The following SNRNP70 variants were observed in gnomAD, a reference collection of about 807,000 sequenced individuals.
The protein encoded by SNRNP70 is small nuclear ribonucleoprotein U1 subunit 70, also known as U1 small nuclear ribonucleoprotein 70 kDa.
In SNRNP70, 8 loss-of-function variants were observed where a neutral mutation model predicts 50.5. The ratio of observed to expected loss-of-function variants is 0.16; its 90% confidence interval spans 0.09 to 0.29. The LOEUF (loss-of-function observed/expected upper bound fraction) is 0.29, where lower values mean the gene tolerates loss of function less well. Ranked by LOEUF, SNRNP70 falls within the 10% of genes least tolerant of loss-of-function variation. SNRNP70 has a pLI of 1.00. For missense variants in SNRNP70, 529 were observed against 663.5 expected (o/e 0.80, Z 2.23); for synonymous variants, 320 against 252.9 (o/e 1.27, Z -2.52).
At chr19:49,095,446 C>T (rs751988833) in intron 4 of SNRNP70, among the ~76,000 whole-genome samples, 5 of 152,100 alleles carry the variant, frequency 3.3e-5, no homozygotes, top group African/African-American at 1.2e-4. Flanking sequence ...TAAAGTCACC[C>T]GTTTCTATTC....
chr19:49,102,043 G>A, intron 7 of SNRNP70: 3 of 752,336 alleles, frequency 4.0e-6, no homozygotes, highest in Non-Finnish European at 6.0e-6. Flanking sequence ...GGATGGGTGG[G>A]GGAGGGTGGG....
At position 49,108,418 on chromosome 19, in the gene SNRNP70, A is replaced by G. The variant is rs1188542174; in HGVS notation, c.1289A>G (p.Tyr430Cys). 7 of 1,609,574 alleles carry G rather than the reference A, an allele frequency of 4.3e-6. No homozygotes were observed. The highest frequency in any genetic ancestry group is 2.2e-5 in the East Asian group (1 of 44,590). The stretch of plus-strand genomic sequence containing the variant: ...GGCTACCTGGCTCCGGAGAATGGGT[A>G]TTTGATGGAGGCTGCGCCGGAGTGA... ...GDGYLAPENG[Y>C]LMEAAPE Residue 430 changes from tyrosine to cysteine, a missense_variant, in exon 10 of 10, where the codon TAT (tyrosine) becomes TGT (cysteine). By Grantham distance (194) the Tyr-to-Cys change is radical. Transcript: ENST00000598441.
rs377548556 is a variant in SNRNP70, at chr19:49,086,474, A to C, written c.60A>C (p.Pro20=). The C allele has an allele frequency of 1.9e-5, 30 of 1,613,814 alleles. No individual in the cohort carries two copies. Among genetic ancestry groups the C allele is most frequent in the Non-Finnish European group, 2.4e-5 (28 of 1,179,980 alleles). Residue 20 remains proline (P), a synonymous_variant, in exon 2 of 10, where the codon CCA becomes CCC. Transcript: ENST00000598441. ...LALFAPRDPI[P]YLPPLEKLPH... is the part of the protein sequence containing the mutation. The stretch of plus-strand genomic sequence containing the variant: ...TCTTTGCCCCCCGTGACCCTATTCC[A>C]TACCTGCCACCCCTGGAGAAACTGC...
In SNRNP70 at chr19:49,098,423, A is replaced by T. The variant is rs760393957; in HGVS notation, c.266-4A>T. On this transcript the variant is annotated splice_polypyrimidine_tract_variant and splice_region_variant and intron_variant, in intron 4 of 9. Transcript: ENST00000598441. ...ACTTATAAAATTCCTTTCTTCCTGCACAGGGGACCCTCACAATGATCCCAA... is the reference window on the plus strand; with the variant it reads ...ACTTATAAAATTCCTTTCTTCCTGCTCAGGGGACCCTCACAATGATCCCAA... The T allele has an allele frequency of 4.3e-6, 7 of 1,611,226 alleles. No homozygotes were observed. The Admixed American group carries it at 8.4e-5, about 19-fold the overall frequency.
chr19:49,091,885 A>C (rs530367665), intron 4 of SNRNP70, among the ~76,000 whole-genome samples: 1 of 152,110 alleles, frequency 6.6e-6, no homozygotes, highest in African/African-American at 2.4e-5. Flanking sequence ...TGGGACATAG[A>C]CATTCAGCTG....
In SNRNP70 at chr19:49,098,419, C is replaced by G; in HGVS notation, c.266-8C>G. On this transcript the variant is annotated splice_polypyrimidine_tract_variant and splice_region_variant and intron_variant, in intron 4 of 9. Coordinates refer to ENST00000598441, the MANE Select transcript of SNRNP70 (RefSeq NM_003089.6). ...TTCAACTTATAAAATTCCTTTCTTC[C>G]TGCACAGGGGACCCTCACAATGATC... 1 of 1,609,360 alleles carries G rather than the reference C, an allele frequency of 6.2e-7. No individual in the cohort carries two copies. The highest frequency in any genetic ancestry group is 2.2e-5 in the East Asian group (1 of 44,840).
intron 2 of SNRNP70, among the ~76,000 whole-genome samples, chr19:49,086,997 C>A (rs182157009): frequency 1.3e-5 from 2 of 151,894 alleles, no homozygotes; most frequent in Admixed American, 6.6e-5. Context: ...ACCAGCCTGG[C>A]CAACATGGTG....
At position 49,107,318 on chromosome 19, in the gene SNRNP70, G is replaced by C. The variant is rs943105890; in HGVS notation, c.578-307G>C. On this transcript the variant is annotated intron_variant, in intron 8 of 9. Transcript: ENST00000598441. The surrounding 1 kb of genome is among the most constrained non-coding windows in gnomAD (Gnocchi z 6.0). ...GGCTTCGGGTTTCTGTGAGGGCGAG[G>C]ATGATTGGAAGGGAGGGTTTTGAGG... Among the ~76,000 whole-genome samples, 6 of 152,234 alleles carry C rather than the reference G, an allele frequency of 3.9e-5. No homozygotes were observed. The highest frequency in any genetic ancestry group is 5.9e-5 in the Non-Finnish European group (4 of 68,046).
chr19:49,099,754 T>A (rs1211604298), intron 6 of SNRNP70, among the ~76,000 whole-genome samples: 12 of 92,572 alleles, frequency 1.3e-4, no homozygotes, highest in East Asian at 1.3e-3. Flanking sequence ...AAAAAAAAAG[T>A]ATTGTAGGCT....
chr19:49,102,631 T>C (rs1458043740), intron 7 of SNRNP70: 1 of 165,750 alleles, frequency 6.0e-6, no homozygotes, highest in East Asian at 1.7e-4. Flanking sequence ...CTGCCCCCTT[T>C]CTGTCTTCCT....
chr19:49,101,690 C>T, intron 7 of SNRNP70: 1 of 554,036 alleles, frequency 1.8e-6, no homozygotes, highest in East Asian at 3.1e-5. Flanking sequence ...GTGTGTGAAC[C>T]TGGGGAGGTA....
At chr19:49,091,890 C>G (rs1007663036) in intron 4 of SNRNP70, among the ~76,000 whole-genome samples, 1 of 152,186 alleles carries the variant, frequency 6.6e-6, no homozygotes, top group African/African-American at 2.4e-5. Flanking sequence ...CATAGACATT[C>G]AGCTGTGCCG....
At chr19:49,100,667 G>A (rs2040571380) in intron 6 of SNRNP70, among the ~76,000 whole-genome samples, 2 of 152,050 alleles carry the variant, frequency 1.3e-5, no homozygotes, top group Admixed American at 1.3e-4. Context: ...TTACCCAGGT[G>A]TGGTGGCGCA....
intron 2 of SNRNP70, among the ~76,000 whole-genome samples, chr19:49,087,111 C>T (rs1407121038): frequency 1.5e-5 from 2 of 135,862 alleles, no homozygotes; most frequent in African/African-American, 2.8e-5. Context: ...ACCCAGGAGG[C>T]GGAGGTTGCA....
At position 49,098,568 on chromosome 19, in the gene SNRNP70, G is replaced by A; in HGVS notation, c.331-74G>A. The A allele has an allele frequency of 3.1e-6, 5 of 1,593,314 alleles. No homozygotes were observed. The South Asian group carries it at 4.4e-5, about 14-fold the overall frequency. On this transcript the variant is annotated intron_variant, in intron 5 of 9. Transcript: ENST00000598441. ...TCTGGCACAAAGGTCAAATAGGCTAGGTACAGGGGAATGTTCCAGGGGCTG... is the reference window on the plus strand; with the variant it reads ...TCTGGCACAAAGGTCAAATAGGCTAAGTACAGGGGAATGTTCCAGGGGCTG...
intron 6 of SNRNP70, among the ~76,000 whole-genome samples, chr19:49,100,130 T>C (rs974384332): frequency 1.3e-5 from 2 of 152,208 alleles, no homozygotes; most frequent in African/African-American, 4.8e-5. Context: ...AATGGCGAAC[T>C]AGCCATCCTT....
Position 49,108,193 on chromosome 19 carries a change from G to GGCGGAGCCACCGGAGCGA in SNRNP70, c.1068_1085dup (p.Ser357_Arg362dup), listed in dbSNP as rs1264746095. 1 of 1,535,088 alleles carries GGCGGAGCCACCGGAGCGA rather than the reference G, an allele frequency of 6.5e-7. No homozygotes were observed. Among genetic ancestry groups the GGCGGAGCCACCGGAGCGA allele is most frequent in the East Asian group, 2.4e-5 (1 of 40,906 alleles). ...GGCCGGGATCGTGACCGGGAGCGACGGCGGAGCCACCGGAGCGAGCGCGAG... is the reference window on the plus strand; with the variant it reads ...GGCCGGGATCGTGACCGGGAGCGACGGCGGAGCCACCGGAGCGAGCGGAGCCACCGGAGCGAGCGCGAG... On this transcript the variant is annotated inframe_insertion, in exon 10 of 10. Coordinates refer to ENST00000598441, the MANE Select transcript of SNRNP70 (RefSeq NM_003089.6).
intron 2 of SNRNP70, among the ~76,000 whole-genome samples, chr19:49,086,880 A>AT (rs1483882654): frequency 4.5e-4 from 57 of 125,434 alleles, no homozygotes; most frequent in Non-Finnish European, 7.1e-4. Flanking sequence ...TCAAAAAAAA[A>AT]ATTTTTTTTT....
chr19:49,102,145 A>G, intron 7 of SNRNP70: 1 of 1,289,512 alleles, frequency 7.8e-7, no homozygotes, highest in Non-Finnish European at 1.0e-6. Flanking sequence ...GCTGATGCTT[A>G]CGCTCCCCTT....
Sources: gnomAD v4.1 joint callset for allele counts (sites outside exome capture counted in the v4.1 genomes callset) on GRCh38, gnomAD v4.1.1 for gene constraint, Gnocchi (gnomAD v3.1) non-coding constraint, MANE v1.5 for transcripts, NCBI Gene and HGNC (gene_info 2026-07-23, HGNC 2026-07-21) for gene names.